IQUB: variants seen among roughly 807,000 people sequenced by gnomAD.
IQUB encodes the protein IQ motif and ubiquitin domain containing, also known as IQ motif and ubiquitin-like domain-containing protein.
Under a neutral mutation model 86.4 loss-of-function variants are expected in IQUB, and 86 were observed. That is an observed-to-expected ratio of 1.00 (90% CI 0.84 to 1.19). IQUB has a LOEUF of 1.19. IQUB is among the 50% of genes most tolerant of loss of function. The probability of loss-of-function intolerance (pLI) is 0.00; values close to 1 mark genes in which losing one functional copy is unlikely to be tolerated. For synonymous variants in IQUB, 289 were observed against 304.5 expected (o/e 0.95, Z 0.53); for missense variants, 946 against 916.9 (o/e 1.03, Z -0.41).
chr7:123,491,318 A>C (rs1795450263), intron 7 of IQUB, among the ~76,000 whole-genome samples: 2 of 152,172 alleles, frequency 1.3e-5, no homozygotes. Context: ...CTAGAAGAGG[A>C]GTAAACTGAA....
intron 1 of IQUB, among the ~76,000 whole-genome samples, chr7:123,529,026 GAA>G (rs1480553984): frequency 6.6e-6 from 1 of 152,014 alleles, no homozygotes; most frequent in Admixed American, 6.6e-5. Flanking sequence ...GCTACAGTTG[GAA>G]AAGACTTTTC....
chr7:123,507,120 C>T (rs1442265601), intron 3 of IQUB, among the ~76,000 whole-genome samples: 2 of 152,160 alleles, frequency 1.3e-5, no homozygotes, highest in Non-Finnish European at 2.9e-5. Flanking sequence ...TTTACTTATT[C>T]TTAGAAATCC....
At chr7:123,453,238 A>C (rs967742978) in intron 12 of IQUB, among the ~76,000 whole-genome samples, 2 of 145,912 alleles carry the variant, frequency 1.4e-5, no homozygotes, top group African/African-American at 5.0e-5. Context: ...CTTAGCCCTT[A>C]TTCTAACTGG....
At chr7:123,514,372 A>T (rs2117277095) in intron 1 of IQUB, among the ~76,000 whole-genome samples, 1 of 152,318 alleles carries the variant, frequency 6.6e-6, no homozygotes, top group Middle Eastern at 3.4e-3. Flanking sequence ...ATTTGCTCTA[A>T]AGGAACTTCT....
chr7:123,474,255 A>G (rs1336554679), intron 8 of IQUB, among the ~76,000 whole-genome samples: 2 of 152,202 alleles, frequency 1.3e-5, no homozygotes, highest in Non-Finnish European at 2.9e-5. Context: ...GTGGTGTTAA[A>G]TGAAGATCTT....
intron 1 of IQUB, among the ~76,000 whole-genome samples, chr7:123,527,299 CCTT>C (rs1230501318): frequency 2.0e-5 from 3 of 152,132 alleles, no homozygotes; most frequent in African/African-American, 7.2e-5. Flanking sequence ...TCGTCTGAAG[CCTT>C]CTTCTCTCAG....
intron 8 of IQUB, among the ~76,000 whole-genome samples, chr7:123,474,355 T>C (rs1473965696): frequency 6.6e-6 from 1 of 152,140 alleles, no homozygotes; most frequent in Non-Finnish European, 1.5e-5. Flanking sequence ...TTATAAGCTA[T>C]CTTTTCTTAA....
intron 10 of IQUB, chr7:123,462,815 A>AAGAT (rs747921722): frequency 2.2e-6 from 1 of 455,392 alleles, no homozygotes; most frequent in South Asian, 1.6e-5. Flanking sequence ...ATGCCATGGA[A>AAGAT]AGATATTCTC....
chr7:123,455,613 G>C (rs1482030483), intron 12 of IQUB, among the ~76,000 whole-genome samples: 1 of 152,040 alleles, frequency 6.6e-6, no homozygotes, highest in African/African-American at 2.4e-5. Context: ...TTATAGACGA[G>C]AAAGCTGGGT....
At chr7:123,530,304 C>A (rs888911199) in intron 1 of IQUB, among the ~76,000 whole-genome samples, 3 of 151,466 alleles carry the variant, frequency 2.0e-5, no homozygotes, top group Non-Finnish European at 4.4e-5. Flanking sequence ...GGCATGGTGG[C>A]AGGCACCTGT....
intron 2 of IQUB, among the ~76,000 whole-genome samples, chr7:123,510,492 A>C (rs1562867460): frequency 6.6e-6 from 1 of 152,146 alleles, no homozygotes. Flanking sequence ...CACATTAAAA[A>C]ATTTTTAAAT....
In IQUB at chr7:123,452,894, T is replaced by C; in HGVS notation, c.2225A>G (p.Lys742Arg). The C allele has an allele frequency of 1.9e-6, 3 of 1,612,822 alleles. No individual in the cohort carries two copies. The highest frequency in any genetic ancestry group is 2.5e-6 in the Non-Finnish European group (3 of 1,179,276). ...GTTCTTAGCCAGGATATGTTTGTGTTTGATCTTGTGAATAAATGAGCGTTC... is the reference window on the plus strand; with the variant it reads ...GTTCTTAGCCAGGATATGTTTGTGTCTGATCTTGTGAATAAATGAGCGTTC... ...GYERSFIHKIKHKHILAKNYF... is the reference protein window; with the variant it reads ...GYERSFIHKIRHKHILAKNYF... Residue 742 changes from lysine (K) to arginine (R), a missense_variant, in exon 13 of 13, where the codon AAA becomes AGA. By Grantham distance (26) the Lys-to-Arg change is conservative (BLOSUM62 2). Coordinates refer to ENST00000324698, the MANE Select transcript of IQUB (RefSeq NM_178827.5).
chr7:123,509,825 T>G (rs1584628382), intron 3 of IQUB, 76 bp downstream of exon 3: 1 of 1,292,288 alleles, frequency 7.7e-7, no homozygotes, highest in Non-Finnish European at 1.1e-6. Flanking sequence ...ATTTAGTTTT[T>G]AAAATCAAAG....
intron 8 of IQUB, among the ~76,000 whole-genome samples, chr7:123,478,114 C>A (rs1254874308): frequency 6.6e-6 from 1 of 152,164 alleles, no homozygotes; most frequent in Non-Finnish European, 1.5e-5. Context: ...GATTATAAAC[C>A]ATGCTACTAT....
At chr7:123,526,274 G>C (rs565654096) in intron 1 of IQUB, among the ~76,000 whole-genome samples, 3 of 152,014 alleles carry the variant, frequency 2.0e-5, no homozygotes, top group South Asian at 4.1e-4. Context: ...TTTCTGTCTC[G>C]TTGATCTGTC....
At chr7:123,532,434 G>C (rs1217559310) in intron 1 of IQUB, 2 of 152,074 alleles carry the variant, frequency 1.3e-5, no homozygotes, top group African/African-American at 4.8e-5. Context: ...CTTGTCTCTT[G>C]AAGCGAATGC....
chr7:123,533,441 T>C (rs1797634684), intron 1 of IQUB, among the ~76,000 whole-genome samples: 1 of 152,238 alleles, frequency 6.6e-6, no homozygotes, highest in Admixed American at 6.5e-5. Context: ...CTTTGTTGTG[T>C]GTTGCCCTTA....
intron 6 of IQUB, among the ~76,000 whole-genome samples, chr7:123,499,477 AAACAT>A (rs1470443541): frequency 1.3e-5 from 2 of 152,160 alleles, no homozygotes; most frequent in African/African-American, 4.8e-5. Flanking sequence ...AAATTCATAA[AAACAT>A]AATAGAGGTA....
rs765216957 is a variant in IQUB, at chr7:123,511,943, C to G, written c.397+1G>C. 2 of 1,592,284 alleles carry G rather than the reference C, an allele frequency of 1.3e-6. No homozygotes were observed. The highest frequency in any genetic ancestry group is 2.2e-5 in the South Asian group (2 of 88,962). ...AATAGCCTATCTTCCTTAGGTAGTA[C>G]CTGTTGCTAGAGAATCTTCCACTGA... On this transcript the variant is annotated splice_donor_variant, in intron 2 of 12. Coordinates refer to ENST00000324698, the MANE Select transcript of IQUB (RefSeq NM_178827.5). LOFTEE classifies it high-confidence loss of function.
Sources: allele counts gnomAD v4.1 joint callset (sites outside exome capture counted in the v4.1 genomes callset), GRCh38; gene constraint gnomAD v4.1.1; transcripts MANE v1.5; gene names NCBI Gene and HGNC (gene_info 2026-07-23, HGNC 2026-07-21).